SLC48A1: variants seen among roughly 807,000 people sequenced by gnomAD.
SLC48A1 encodes solute carrier family 48 member 1, also known as heme transporter HRG1.
A neutral mutation model predicts 14.8 loss-of-function variants in SLC48A1; 6 were observed. That is an observed-to-expected ratio of 0.41 (90% CI 0.22 to 0.80). The LOEUF is 0.80. Among genes scored for constraint, SLC48A1 ranks in the 30% least tolerant of loss-of-function variants. The pLI is 0.34. For missense variants in SLC48A1, 165 were observed against 204.8 expected (o/e 0.81, Z 1.19); for synonymous variants, 89 against 90.0 (o/e 0.99, Z 0.06).
chr12:47,754,184 C>G (rs1941918950), upstream of SLC48A1, among the ~76,000 whole-genome samples: 1 of 152,256 alleles, frequency 6.6e-6, no homozygotes, highest in African/African-American at 2.4e-5. Flanking sequence ...ATGTCTGATT[C>G]CAAAGGCCAT....
chr12:47,766,724 C>G (rs1942524342), upstream of SLC48A1, among the ~76,000 whole-genome samples: 1 of 152,030 alleles, frequency 6.6e-6, no homozygotes. Context: ...CCTGCTGTTT[C>G]CACTCAACAT....
upstream of SLC48A1, among the ~76,000 whole-genome samples, chr12:47,757,324 G>A (rs191752043): frequency 1.8e-4 from 28 of 152,194 alleles, no homozygotes; most frequent in African/African-American, 6.5e-4. Flanking sequence ...AGGGCACTTT[G>A]GTGATCTCAG....
chr12:47,780,036 A>G, intron 2 of SLC48A1, 109 bp from the exon 3 acceptor site: 2 of 1,345,528 alleles, frequency 1.5e-6, no homozygotes, highest in South Asian at 3.1e-5. Context: ...TTCAGCTGCC[A>G]GGACGTTGCA....
intron 1 of SLC48A1, among the ~76,000 whole-genome samples, chr12:47,778,144 C>A (rs567328346): frequency 4.6e-5 from 7 of 152,238 alleles, no homozygotes; most frequent in African/African-American, 1.7e-4. Flanking sequence ...TGGGCTGCAC[C>A]AGCAGGCACT....
intron 2 of SLC48A1, among the ~76,000 whole-genome samples, chr12:47,779,558 G>A (rs893193786): frequency 6.6e-6 from 1 of 152,206 alleles, no homozygotes; most frequent in Admixed American, 6.5e-5. Context: ...GGTTGGAGGT[G>A]GCCTAGGGTA....
intron 2 of SLC48A1, among the ~76,000 whole-genome samples, chr12:47,766,410 C>T (rs1368679660): frequency 6.6e-6 from 1 of 152,216 alleles, no homozygotes; most frequent in African/African-American, 2.4e-5. Context: ...AGTCAGTCAG[C>T]CCCATTTGTC....
In SLC48A1 at chr12:47,780,484, C is replaced by A; in HGVS notation, c.*203C>A. 1 of 818,310 alleles carries A rather than the reference C, an allele frequency of 1.2e-6. No homozygotes were observed. Among genetic ancestry groups the A allele is most frequent in the Non-Finnish European group, 2.2e-6 (1 of 454,312 alleles). The allele number at this position is 818,310 out of a possible 1,614,324, so 50.7% of individuals were successfully genotyped here. Reference sequence around the variant, plus strand: ...TGAGTGTGGTAGAGAGGGGATCCTGCCATGTTGCTCCTCATCAGCCTGGCC... The same window carrying A: ...TGAGTGTGGTAGAGAGGGGATCCTGACATGTTGCTCCTCATCAGCCTGGCC... On this transcript the variant is annotated 3_prime_UTR_variant, in exon 3 of 3. Coordinates refer to ENST00000442218, the MANE Select transcript of SLC48A1 (RefSeq NM_017842.3).
chr12:47,760,629 T>A (rs1214907378), intron 2 of SLC48A1, among the ~76,000 whole-genome samples: 1 of 152,168 alleles, frequency 6.6e-6, no homozygotes, highest in East Asian at 1.9e-4. Context: ...AATCTAATCA[T>A]GTGCGGGCAC....
chr12:47,776,037 G>A (rs1942744204), intron 1 of SLC48A1, among the ~76,000 whole-genome samples: 1 of 152,222 alleles, frequency 6.6e-6, no homozygotes, highest in Non-Finnish European at 1.5e-5. Context: ...ACAGCTCTAT[G>A]TTTTTCCCAG....
intron 2 of SLC48A1, among the ~76,000 whole-genome samples, chr12:47,763,787 G>A (rs1215504123): frequency 6.6e-6 from 1 of 152,218 alleles, no homozygotes; most frequent in Non-Finnish European, 1.5e-5. Flanking sequence ...CCTCCTGTAG[G>A]AGGCCAATGT....
upstream of SLC48A1, chr12:47,757,871 G>A (rs772093269): frequency 3.3e-5 from 52 of 1,553,692 alleles, no homozygotes; most frequent in East Asian, 1.2e-4. Context: ...CTCACCCAGC[G>A]CAGCCCCTGG....
chr12:47,765,480 C>T (rs1942498333), intron 2 of SLC48A1, among the ~76,000 whole-genome samples: 1 of 152,228 alleles, frequency 6.6e-6, no homozygotes, highest in Admixed American at 6.5e-5. Context: ...TAACACACTG[C>T]AGGGCTGGAC....
intron 1 of SLC48A1, chr12:47,778,768 T>G: frequency 2.4e-6 from 1 of 423,254 alleles, no homozygotes; most frequent in Non-Finnish European, 4.2e-6. Context: ...ATATTCATGT[T>G]TTCCAAAACA....
chr12:47,757,802 T>C (rs1048980169), upstream of SLC48A1: 5 of 1,445,030 alleles, frequency 3.5e-6, no homozygotes, highest in Non-Finnish European at 3.7e-6. Flanking sequence ...TGCCAAGCCA[T>C]GATCTAGGCC....
upstream of SLC48A1, chr12:47,768,550 C>A (rs1430397807): frequency 6.6e-6 from 1 of 152,172 alleles, no homozygotes; most frequent in East Asian, 1.9e-4. Context: ...AGACATGCCC[C>A]AGGGACATCA....
chr12:47,757,599 C>T (rs779863855), upstream of SLC48A1, among the ~76,000 whole-genome samples: 1 of 152,198 alleles, frequency 6.6e-6, no homozygotes, highest in Non-Finnish European at 1.5e-5. Context: ...ACTGAGGTGA[C>T]AGATAAACAA....
At chr12:47,764,760 C>T (rs1307554415) in intron 2 of SLC48A1, among the ~76,000 whole-genome samples, 29 of 152,184 alleles carry the variant, frequency 1.9e-4, no homozygotes, top group Admixed American at 1.8e-3. Context: ...ATCTACTGCC[C>T]ATTTCCTCCC....
At chr12:47,762,325 T>C (rs2136843642) in intron 2 of SLC48A1, among the ~76,000 whole-genome samples, 1 of 152,262 alleles carries the variant, frequency 6.6e-6, no homozygotes, top group East Asian at 1.9e-4. Context: ...GCCCATAGTT[T>C]CCTGGGTCTT....
intron 2 of SLC48A1, among the ~76,000 whole-genome samples, chr12:47,779,439 TTG>T (rs1444500375): frequency 6.6e-6 from 1 of 152,176 alleles, no homozygotes; most frequent in East Asian, 1.9e-4. Flanking sequence ...ACTCCTGATA[TTG>T]GGACCCATTA....
Sources: gnomAD v4.1 joint callset for allele counts (sites outside exome capture counted in the v4.1 genomes callset) on GRCh38, gnomAD v4.1.1 for gene constraint, MANE v1.5 for transcripts, NCBI Gene and HGNC (gene_info 2026-07-23, HGNC 2026-07-21) for gene names.